The following EPB41L4B variants were observed in gnomAD, a reference collection of about 807,000 sequenced individuals.
The protein encoded by EPB41L4B is erythrocyte membrane protein band 4.1 like 4B, also known as band 4.1-like protein 4B.
A neutral mutation model predicts 112.5 loss-of-function variants in EPB41L4B; 30 were observed. The ratio of observed to expected loss-of-function variants is 0.27; its 90% CI spans 0.20 to 0.36. EPB41L4B has a LOEUF of 0.36. EPB41L4B is among the 10% of genes least tolerant of loss of function. EPB41L4B has a pLI of 1.00. For synonymous variants in EPB41L4B, 408 were observed against 439.7 expected, an observed-to-expected ratio of 0.93 and a Z score of 0.90; for missense variants, 1,024 against 1,133.3, an observed-to-expected ratio of 0.90 and a Z score of 1.38.
At position 109,299,574 on chromosome 9, in the gene EPB41L4B, C is replaced by T. The variant is rs140469329; in HGVS notation, c.307-19653G>A. On this transcript the variant is annotated intron_variant, in intron 1 of 25. Coordinates refer to ENST00000374566, the MANE Select transcript of EPB41L4B (RefSeq NM_019114.5). ...AAGTGCTTGGATTATAGGCATGAGC[C>T]ATGATGTGCAGCAAGTTTTGTTTTG... Among the ~76,000 whole-genome samples the T allele has an allele frequency of 2.6e-3, 396 of 152,180 alleles. 2 individuals are homozygous for T. The highest frequency in any genetic ancestry group is 0.017 in the Middle Eastern group (5 of 294).
chr9:109,275,350 G>A (rs1251435661), intron 2 of EPB41L4B, among the ~76,000 whole-genome samples: 3 of 152,226 alleles, frequency 2.0e-5, no homozygotes, highest in Admixed American at 6.5e-5. Flanking sequence ...ATAGCCAAGT[G>A]AACCATTCCC....
chr9:109,235,414 T>A (rs1055194777), intron 15 of EPB41L4B, among the ~76,000 whole-genome samples: 4 of 135,998 alleles, frequency 2.9e-5, no homozygotes, highest in African/African-American at 1.1e-4. Context: ...TTTTTTTTTT[T>A]AGATAGAGTC....
At chr9:109,273,042 C>T (rs935848200) in intron 2 of EPB41L4B, among the ~76,000 whole-genome samples, 2 of 152,052 alleles carry the variant, frequency 1.3e-5, no homozygotes, top group Non-Finnish European at 2.9e-5. Flanking sequence ...ATCTTTCCTG[C>T]TCCCCATGAT....
At chr9:109,309,733 C>G (rs4978388) in intron 1 of EPB41L4B, among the ~76,000 whole-genome samples, 2 of 149,826 alleles carry the variant, frequency 1.3e-5, no homozygotes, top group Admixed American at 1.3e-4. Context: ...GATCCCATCT[C>G]TATTATTAAG....
rs1365207406 is a variant in EPB41L4B, at chr9:109,176,647, G to A, written c.2537C>T (p.Pro846Leu). ...KLQCCPGPTS[P>L]LIPAATLRPL... is the part of the protein sequence containing the mutation. ...CCTCAGGGTCGCTGCTGGGATCAGC[G>A]GGGAAGTCGGGCCAGGACAGCACTG... The change falls in exon 25 of 26, where the codon CCG (proline) becomes CTG (leucine). Residue 846 changes from proline (P) to leucine (L), a missense_variant. Physicochemically the swap from Pro to Leu is moderately conservative, Grantham distance 98. Transcript: ENST00000374566. 6.5e-5 allele frequency: 105 copies of A among 1,613,910 alleles called. No individual in the cohort carries two copies. Among genetic ancestry groups the A allele is most frequent in the Non-Finnish European group, 8.4e-5 (99 of 1,179,976 alleles).
chr9:109,187,593 C>T (rs1832314764), intron 22 of EPB41L4B, among the ~76,000 whole-genome samples: 1 of 152,182 alleles, frequency 6.6e-6, no homozygotes, highest in African/African-American at 2.4e-5. Flanking sequence ...CCCTCAGGAA[C>T]AGTTCCCACT....
chr9:109,242,699 C>G (rs1834394865), intron 15 of EPB41L4B, among the ~76,000 whole-genome samples: 1 of 152,120 alleles, frequency 6.6e-6, no homozygotes, highest in East Asian at 1.9e-4. Flanking sequence ...ATTCTCCATA[C>G]TTTCTCAGAG....
chr9:109,316,207 GA>G (rs1837627521), intron 1 of EPB41L4B, among the ~76,000 whole-genome samples: 1 of 152,176 alleles, frequency 6.6e-6, no homozygotes, highest in African/African-American at 2.4e-5. Flanking sequence ...GTTTACACTG[GA>G]CCACAATGAG....
At position 109,267,488 on chromosome 9, in the gene EPB41L4B, C is replaced by G; in HGVS notation, c.518G>C (p.Arg173Pro). The G allele has an allele frequency of 6.2e-7, 1 of 1,613,126 alleles. No individual in the cohort carries two copies. The highest frequency in any genetic ancestry group is 8.5e-7 in the Non-Finnish European group (1 of 1,179,260). The change falls in exon 4 of 26, where the codon CGT (arginine) becomes CCT (proline). Residue 173 changes from arginine (R) to proline (P), a missense_variant. Coordinates refer to ENST00000374566, the MANE Select transcript of EPB41L4B (RefSeq NM_019114.5). ...CGTGGCCTACCTTGTAAACTCCTCA[C>G]GAAGGTTGTTTGGTTCTGAAGAATA... ...KYYSSEPNNL[R>P]EEFTRYLFVL... is the part of the protein sequence containing the mutation.
In EPB41L4B at chr9:109,173,225, C is replaced by G. The variant is rs568893708; in HGVS notation, c.*1329G>C. ...GGCATCATAAATTGTCGAGGGGATTCAAGCATTCAGAGGGGGTGGGGAGGC... is the reference window on the plus strand; with the variant it reads ...GGCATCATAAATTGTCGAGGGGATTGAAGCATTCAGAGGGGGTGGGGAGGC... On this transcript the variant is annotated 3_prime_UTR_variant, in exon 26 of 26. Coordinates refer to ENST00000374566, the MANE Select transcript of EPB41L4B (RefSeq NM_019114.5). 1.3e-5 allele frequency: 2 copies of G among 152,630 alleles called. No individual in the cohort carries two copies. The highest frequency in any genetic ancestry group is 2.1e-4 in the South Asian group (1 of 4,822). The allele number at this position is 152,630 out of a possible 1,614,324, so 9.5% of individuals were successfully genotyped here. A position where few individuals can be genotyped will look rare whatever the true frequency, so the allele number is the denominator to read the frequency against.
At chr9:109,301,530 C>G (rs1301454251) in intron 1 of EPB41L4B, among the ~76,000 whole-genome samples, 1 of 152,188 alleles carries the variant, frequency 6.6e-6, no homozygotes, top group Non-Finnish European at 1.5e-5. Context: ...CTTCCCTACC[C>G]CCGAGGCAAC....
intron 15 of EPB41L4B, among the ~76,000 whole-genome samples, chr9:109,226,700 A>C (rs1226923200): frequency 1.9e-4 from 27 of 141,586 alleles, no homozygotes; most frequent in African/African-American, 7.0e-4. Flanking sequence ...ATATATGAAT[A>C]TATATATGAA....
At position 109,228,219 on chromosome 9, in the gene EPB41L4B, T is replaced by C. The variant is rs557168033; in HGVS notation, c.1410-11074A>G. Among the ~76,000 whole-genome samples, 37 of 152,366 alleles carry C rather than the reference T, an allele frequency of 2.4e-4. No homozygotes were observed. In the South Asian group the frequency reaches 6.6e-3, roughly 27 times the overall value. On this transcript the variant is annotated intron_variant, in intron 15 of 25. Coordinates refer to ENST00000374566, the MANE Select transcript of EPB41L4B (RefSeq NM_019114.5). ...GACAGTTCTTCCACTCTTAGCTTACTAAAAATCTTGAAAGATTAGCATGAC... is the reference window on the plus strand; with the variant it reads ...GACAGTTCTTCCACTCTTAGCTTACCAAAAATCTTGAAAGATTAGCATGAC...
At chr9:109,242,919 C>T (rs532356874) in intron 15 of EPB41L4B, among the ~76,000 whole-genome samples, 59 of 150,590 alleles carry the variant, frequency 3.9e-4, no homozygotes, top group African/African-American at 1.4e-3. Context: ...TGCCAGTTGG[C>T]TTAGAAAGGA....
intron 15 of EPB41L4B, among the ~76,000 whole-genome samples, chr9:109,224,521 G>A (rs778263045): frequency 1.6e-4 from 25 of 152,244 alleles, no homozygotes; most frequent in South Asian, 4.2e-4. Flanking sequence ...GTGGATTACC[G>A]GCTACCTAGG....
chr9:109,313,798 G>A (rs1031180032), intron 1 of EPB41L4B, among the ~76,000 whole-genome samples: 1 of 152,132 alleles, frequency 6.6e-6, no homozygotes, highest in African/African-American at 2.4e-5. Flanking sequence ...GCTCCAAGTC[G>A]ACCATCCTTA....
chr9:109,260,404 T>C (rs910160679), intron 6 of EPB41L4B, among the ~76,000 whole-genome samples: 1 of 147,558 alleles, frequency 6.8e-6, no homozygotes, highest in Non-Finnish European at 1.5e-5. Flanking sequence ...TAACAATCAA[T>C]TGTATCTTTT....
chr9:109,279,536 A>G lies in EPB41L4B; in HGVS notation c.411+281T>C, dbSNP rs1041545282. Among the ~76,000 whole-genome samples the G allele has an allele frequency of 4.6e-5, 7 of 152,158 alleles. No individual in the cohort carries two copies. The South Asian group carries it at 1.4e-3, about 32-fold the overall frequency. ...CCAGCCTGAAAGAACTTCTATAATG[A>G]TGTTTCTTCTTTCTACCTTTTCTAG... is the stretch of plus-strand genomic sequence containing the variant. On this transcript the variant is annotated intron_variant, in intron 2 of 25. Transcript: ENST00000374566.
chr9:109,253,367 T>TGACCAAGCTCCTC (rs1834863990), intron 12 of EPB41L4B, 74 bp downstream of exon 12: 1 of 1,048,054 alleles, frequency 9.5e-7, no homozygotes, highest in South Asian at 1.4e-5. Flanking sequence ...ATAAGCTGCT[T>TGACCAAGCTCCTC]GACCAAGCTC....
Sources: gnomAD v4.1 joint callset for allele counts (sites outside exome capture counted in the v4.1 genomes callset) on GRCh38, gnomAD v4.1.1 for gene constraint, MANE v1.5 for transcripts, NCBI Gene and HGNC (gene_info 2026-07-23, HGNC 2026-07-21) for gene names.